Variants in GLI3 observed in about 807,000 individuals in gnomAD.
The protein encoded by GLI3 is transcription activator GLI3.
Under a neutral mutation model 100.8 loss-of-function variants are expected in GLI3, and 20 were observed. The ratio of observed to expected loss-of-function variants is 0.20; its 90% CI spans 0.14 to 0.29. The LOEUF (loss-of-function observed/expected upper bound fraction) is 0.29. Among genes scored for constraint, GLI3 ranks in the 10% least tolerant of loss-of-function variants. The probability of loss-of-function intolerance (pLI) is 1.00; values close to 1 mark genes in which losing one functional copy is unlikely to be tolerated. For missense variants in GLI3, 2,040 were observed against 2,128.5 expected (o/e 0.96, Z 0.82); for synonymous variants, 938 against 860.5 (o/e 1.09, Z -1.58).
chr7:42,047,578 T>C (rs142181122), intron 5 of GLI3, among the ~76,000 whole-genome samples: 161 of 152,354 alleles, frequency 1.1e-3, no homozygotes, highest in Non-Finnish European at 1.7e-3. Flanking sequence ...AGTGAATTCC[T>C]ATGTGTGCGT....
At chr7:42,025,580 T>G (rs1369296428) in intron 8 of GLI3, among the ~76,000 whole-genome samples, 1 of 152,222 alleles carries the variant, frequency 6.6e-6, no homozygotes, top group African/African-American at 2.4e-5. Flanking sequence ...CAGCTCTTCA[T>G]TTTTAACTCG....
At chr7:42,026,047 C>T in intron 8 of GLI3, 152 bp downstream of exon 8, 1 of 658,562 alleles carries the variant, frequency 1.5e-6, no homozygotes, top group African/African-American at 1.8e-5. Flanking sequence ...TCCACCAAAA[C>T]TGAAGACTAG....
intron 2 of GLI3, among the ~76,000 whole-genome samples, chr7:42,213,536 G>A (rs955023311): frequency 6.6e-6 from 1 of 151,976 alleles, no homozygotes; most frequent in Non-Finnish European, 1.5e-5. Flanking sequence ...TCATATCATC[G>A]ACACTGTTAT....
chr7:42,151,636 A>C (rs1297916870), intron 2 of GLI3: 1 of 152,230 alleles, frequency 6.6e-6, no homozygotes, highest in Admixed American at 6.5e-5. Flanking sequence ...CCGCTTCTCT[A>C]TGTTTAACAG....
chr7:41,965,068 C>A lies in GLI3; in HGVS notation c.4005G>T (p.Pro1335=). The change falls in exon 15 of 15, where the codon CCG becomes CCT. Residue 1335 remains proline (P), a synonymous_variant. Coordinates refer to ENST00000395925, the MANE Select transcript of GLI3 (RefSeq NM_000168.6). ...TCTGCTGACCGGGGCGGCCTGCCCC[C>A]GGGTGCTGCATGCTGTCGCCGAGGA... ...HQLLGDSMQH[P]GAGRPGQQML... 6.2e-7 allele frequency: 1 copy of A among 1,613,844 alleles called. No individual in the cohort carries two copies. The highest frequency in any genetic ancestry group is 1.3e-5 in the African/African-American group (1 of 75,068).
At chr7:42,090,312 A>G (rs1204235520) in intron 3 of GLI3, among the ~76,000 whole-genome samples, 5 of 152,196 alleles carry the variant, frequency 3.3e-5, no homozygotes, top group African/African-American at 9.7e-5. Context: ...TAAATTTATG[A>G]AAAGTAAAGT....
chr7:42,165,822 T>G (rs1787229328), intron 2 of GLI3, among the ~76,000 whole-genome samples: 1 of 152,168 alleles, frequency 6.6e-6, no homozygotes. Context: ...GAATCTAGTC[T>G]TGCAAACAAA....
intron 2 of GLI3, among the ~76,000 whole-genome samples, chr7:42,208,424 C>T (rs1024056670): frequency 3.3e-5 from 5 of 152,128 alleles, no homozygotes; most frequent in African/African-American, 1.2e-4. Flanking sequence ...CCAAGTGTCC[C>T]TGTGAAAGTT....
At chr7:41,979,517 T>C (rs1347292495) in intron 10 of GLI3, among the ~76,000 whole-genome samples, 1 of 152,248 alleles carries the variant, frequency 6.6e-6, no homozygotes, top group Non-Finnish European at 1.5e-5. Flanking sequence ...TACCAATTCA[T>C]GGTTTTAGAA....
chr7:42,034,694 A>G (rs1363614392), intron 7 of GLI3, among the ~76,000 whole-genome samples: 1 of 152,102 alleles, frequency 6.6e-6, no homozygotes, highest in East Asian at 1.9e-4. Flanking sequence ...TCATCCTATA[A>G]GTCAATGGCC....
chr7:42,033,093 T>C (rs937076358), intron 7 of GLI3, among the ~76,000 whole-genome samples: 5 of 152,160 alleles, frequency 3.3e-5, no homozygotes, highest in African/African-American at 1.2e-4. Flanking sequence ...CAGCGCGGTG[T>C]GCACAGAGCT....
chr7:42,179,713 G>A (rs1787552870), intron 2 of GLI3, among the ~76,000 whole-genome samples: 1 of 152,092 alleles, frequency 6.6e-6, no homozygotes, highest in South Asian at 2.1e-4. Flanking sequence ...ATGGGTGTGT[G>A]TATGTGTGAG....
At chr7:42,146,631 C>T (rs1786715915) in intron 3 of GLI3, among the ~76,000 whole-genome samples, 1 of 152,102 alleles carries the variant, frequency 6.6e-6, no homozygotes, top group Admixed American at 6.5e-5. Context: ...AGAACAAAAA[C>T]AATGCAGGGA....
chr7:41,985,159 T>C (rs181268448), intron 10 of GLI3, among the ~76,000 whole-genome samples: 40 of 152,364 alleles, frequency 2.6e-4, no homozygotes, highest in Admixed American at 2.6e-3. Flanking sequence ...TTCTCTCTCT[T>C]GAACCATTAA....
intron 10 of GLI3, among the ~76,000 whole-genome samples, chr7:42,014,997 T>A (rs1324774394): frequency 6.6e-6 from 1 of 152,224 alleles, no homozygotes; most frequent in Non-Finnish European, 1.5e-5. Flanking sequence ...TAGTACTACT[T>A]GCTATGGATT....
upstream of GLI3, among the ~76,000 whole-genome samples, chr7:42,239,258 C>T (rs1457377041): frequency 6.6e-6 from 1 of 152,160 alleles, no homozygotes; most frequent in East Asian, 1.9e-4. Flanking sequence ...TAACTGGCCT[C>T]AGGCCTGGGA....
At chr7:42,097,801 A>C (rs2128760263) in intron 3 of GLI3, among the ~76,000 whole-genome samples, 1 of 152,264 alleles carries the variant, frequency 6.6e-6, no homozygotes, top group African/African-American at 2.4e-5. Context: ...CAAGGGCCTC[A>C]GTTCTGCTCA....
intron 1 of GLI3, among the ~76,000 whole-genome samples, chr7:42,224,158 C>T (rs1788542009): frequency 6.6e-6 from 1 of 152,166 alleles, no homozygotes; most frequent in Non-Finnish European, 1.5e-5. Flanking sequence ...CAGTCATGTT[C>T]TACACCTACA....
intron 2 of GLI3, among the ~76,000 whole-genome samples, chr7:42,184,931 T>C (rs1469826594): frequency 6.6e-6 from 1 of 152,046 alleles, no homozygotes; most frequent in Non-Finnish European, 1.5e-5. Context: ...GCTCCTCCCC[T>C]CTCTTCCCCA....
Sources: allele counts gnomAD v4.1 joint callset (sites outside exome capture counted in the v4.1 genomes callset), GRCh38; gene constraint gnomAD v4.1.1; transcripts MANE v1.5; gene names NCBI Gene and HGNC (gene_info 2026-07-23, HGNC 2026-07-21).